The following FOXN3 variants were observed in gnomAD, a reference collection of about 807,000 sequenced individuals.
FOXN3 encodes the protein forkhead box protein N3.
In FOXN3, 7 loss-of-function variants were observed where a neutral mutation model predicts 38.4. That is an observed-to-expected ratio of 0.18 (90% CI 0.10 to 0.34). The LOEUF (loss-of-function observed/expected upper bound fraction) is 0.34, where lower values mean the gene tolerates loss of function less well. Among genes scored for constraint, FOXN3 ranks in the 10% least tolerant of loss-of-function variants. FOXN3 has a pLI of 1.00. For synonymous variants in FOXN3, 230 were observed against 242.2 expected (o/e 0.95, Z 0.47); for missense variants, 456 against 613.4 (o/e 0.74, Z 2.71).
At chr14:89,250,085 G>C (rs929106357) in intron 4 of FOXN3, among the ~76,000 whole-genome samples, 4 of 152,178 alleles carry the variant, frequency 2.6e-5, no homozygotes, top group Non-Finnish European at 5.9e-5. Flanking sequence ...GAACCAATTT[G>C]ACTGAACATG....
At chr14:89,447,814 C>CCTT (rs1892534416) in intron 1 of FOXN3, among the ~76,000 whole-genome samples, 2 of 92,798 alleles carry the variant, frequency 2.2e-5, no homozygotes, top group Admixed American at 1.6e-4. Context: ...GCCTTTCTTC[C>CCTT]TTTTTTTTTT....
chr14:89,172,852 A>G (rs989180558), intron 5 of FOXN3, among the ~76,000 whole-genome samples: 13 of 152,378 alleles, frequency 8.5e-5, no homozygotes, highest in Non-Finnish European at 1.6e-4. Flanking sequence ...CAGATGGATT[A>G]GAGACTCAAA....
At chr14:89,492,830 T>C (rs763758897) in intron 1 of FOXN3, among the ~76,000 whole-genome samples, 2 of 152,190 alleles carry the variant, frequency 1.3e-5, no homozygotes, top group Non-Finnish European at 1.5e-5. Flanking sequence ...TTCATTTCAT[T>C]TATCAACTTA....
intron 3 of FOXN3, among the ~76,000 whole-genome samples, chr14:89,348,904 G>A (rs1281170268): frequency 1.3e-5 from 2 of 152,108 alleles, no homozygotes; most frequent in Non-Finnish European, 2.9e-5. Flanking sequence ...TAATTACTGT[G>A]TTTCCCTCGG....
chr14:89,209,646 T>C (rs1187883688), intron 4 of FOXN3, among the ~76,000 whole-genome samples: 3 of 152,236 alleles, frequency 2.0e-5, no homozygotes, highest in Non-Finnish European at 4.4e-5. Flanking sequence ...TAAACACTTC[T>C]TTATTCAGAA....
At chr14:89,521,674 A>C (rs900165960) in intron 1 of FOXN3, among the ~76,000 whole-genome samples, 2 of 152,224 alleles carry the variant, frequency 1.3e-5, no homozygotes, top group African/African-American at 4.8e-5. Flanking sequence ...GTAAACACCA[A>C]GCAAAATACA....
chr14:89,333,038 C>T (rs4904549), intron 3 of FOXN3: 37,461 of 152,200 alleles, frequency 0.25, 5,472 homozygotes, highest in African/African-American at 0.41. Flanking sequence ...GATACCACCT[C>T]ACATCTGTAA....
intron 4 of FOXN3, among the ~76,000 whole-genome samples, chr14:89,259,768 T>A (rs1156674865): frequency 5.3e-5 from 8 of 152,230 alleles, no homozygotes; most frequent in African/African-American, 1.9e-4. Context: ...TTCCAGGCTT[T>A]GGGGTCAACT....
upstream of FOXN3, among the ~76,000 whole-genome samples, chr14:89,421,145 CTTTTTT>C (rs570024684): frequency 3.7e-5 from 4 of 108,174 alleles, no homozygotes; most frequent in Admixed American, 1.9e-4. Flanking sequence ...TTCTTTCTTT[CTTTTTT>C]TTTTTTTTTT....
At chr14:89,260,840 A>C (rs1885776137) in intron 4 of FOXN3, among the ~76,000 whole-genome samples, 1 of 152,254 alleles carries the variant, frequency 6.6e-6, no homozygotes, top group African/African-American at 2.4e-5. Context: ...GAGCAGCTAT[A>C]ACATTTAATT....
chr14:89,455,061 G>C (rs1892691378), intron 1 of FOXN3, among the ~76,000 whole-genome samples: 1 of 152,196 alleles, frequency 6.6e-6, no homozygotes, highest in South Asian at 2.1e-4. Context: ...CAGTGTAATG[G>C]ACACAATGCA....
At chr14:89,269,485 G>GTTTTTTTTTT (rs56189442) in intron 4 of FOXN3, among the ~76,000 whole-genome samples, 3 of 148,212 alleles carry the variant, frequency 2.0e-5, no homozygotes, top group Non-Finnish European at 3.0e-5. Flanking sequence ...GTTTTGTTTT[G>GTTTTTTTTTT]TTTTTTTTTT....
In FOXN3 at chr14:89,358,564, C is replaced by T. The variant is rs146750204; in HGVS notation, c.544-7756G>A. On this transcript the variant is annotated intron_variant, in intron 2 of 5. Transcript: ENST00000557258. ...CATACATGCAGCTCACTCCCCACCC[C>T]GGGTCTTAGTTTCCTCATCTATAAA... 1.2e-4 allele frequency among the ~76,000 whole-genome samples: 19 copies of T among 152,314 alleles called. No individual in the cohort carries two copies. The East Asian group carries it at 2.7e-3, about 22-fold the overall frequency.
Position 89,167,155 on chromosome 14 carries a change from C to T in FOXN3, c.852-4186G>A, listed in dbSNP as rs571719878. 5.4e-4 allele frequency among the ~76,000 whole-genome samples: 83 copies of T among 152,294 alleles called. 1 individual carries two copies. Among genetic ancestry groups the T allele is most frequent in the African/African-American group, 1.9e-3 (78 of 41,564 alleles). On this transcript the variant is annotated intron_variant, in intron 5 of 5. Transcript: ENST00000557258. ...CACGTGCTATTCATCTCAGATAAAA[C>T]CTGGTACTCATTCTCTTGTCAAATA...
At chr14:89,187,180 G>C (rs1887828618) in intron 4 of FOXN3, among the ~76,000 whole-genome samples, 1 of 152,220 alleles carries the variant, frequency 6.6e-6, no homozygotes, top group Admixed American at 6.5e-5. Context: ...AACAGCAGCA[G>C]AGACTAGGTT....
At chr14:89,373,234 C>T (rs1435920729) in intron 2 of FOXN3, among the ~76,000 whole-genome samples, 1 of 152,096 alleles carries the variant, frequency 6.6e-6, no homozygotes, top group Non-Finnish European at 1.5e-5. Flanking sequence ...ACACTGAAAG[C>T]GTGTTTCAAT....
chr14:89,368,662 C>A (rs1890225901), intron 2 of FOXN3, among the ~76,000 whole-genome samples: 1 of 152,106 alleles, frequency 6.6e-6, no homozygotes, highest in South Asian at 2.1e-4. Context: ...AAACAAAAGA[C>A]AAACCTGAAC....
intron 1 of FOXN3, among the ~76,000 whole-genome samples, chr14:89,442,863 T>C (rs1892415912): frequency 6.6e-6 from 1 of 152,132 alleles, no homozygotes; most frequent in Admixed American, 6.5e-5. Context: ...ACCAAAATGG[T>C]GAATGGTCTT....
intron 1 of FOXN3, among the ~76,000 whole-genome samples, chr14:89,463,096 T>C (rs1393378809): frequency 7.4e-5 from 11 of 148,208 alleles, no homozygotes; most frequent in Admixed American, 2.7e-4. Flanking sequence ...TGAGAAGATC[T>C]GGCTAACACG....
Sources: gnomAD v4.1 joint callset for allele counts (sites outside exome capture counted in the v4.1 genomes callset) on GRCh38, gnomAD v4.1.1 for gene constraint, MANE v1.5 for transcripts, NCBI Gene and HGNC (gene_info 2026-07-23, HGNC 2026-07-21) for gene names.